RAP1GAP2: variants seen among roughly 807,000 people sequenced by gnomAD.
RAP1GAP2 encodes the protein RAP1 GTPase activating protein 2.
RAP1GAP2 carries 27 observed loss-of-function variants against 95.0 expected under a neutral mutation model. The observed-to-expected ratio is 0.28, with a 90% CI of 0.21 to 0.39. RAP1GAP2 has a LOEUF of 0.39. Among genes scored for constraint, RAP1GAP2 ranks in the 10% least tolerant of loss-of-function variants. The pLI, the probability that RAP1GAP2 is intolerant of heterozygous loss-of-function variation, is 1.00. For missense variants in RAP1GAP2, 771 were observed against 970.0 expected (o/e 0.79, Z 2.72); for synonymous variants, 373 against 380.9 (o/e 0.98, Z 0.24).
intron 3 of RAP1GAP2, among the ~76,000 whole-genome samples, chr17:2,916,662 G>T (rs2042579720): frequency 6.6e-6 from 1 of 152,122 alleles, no homozygotes; most frequent in Admixed American, 6.5e-5. Context: ...GGGAGGAGTG[G>T]GTGTGGGCAG....
rs755645959 is a variant in RAP1GAP2 at position 2,906,471 on chromosome 17, G to A, written c.165+1103G>A. Among the ~76,000 whole-genome samples the A allele has an allele frequency of 5.3e-5, 8 of 151,166 alleles. No homozygotes were observed. The highest frequency in any genetic ancestry group is 1.2e-4 in the African/African-American group (5 of 40,754). On this transcript the variant is annotated intron_variant, in intron 3 of 24. Transcript: ENST00000254695. This position sits in a 1 kb window ranked among gnomAD's most constrained non-coding sequence, Gnocchi z 4.3. ...GTGGGTTAAGTGGTCAGCGGTGGGCGGGGGGGCAGGACAGGGTGCAGGGCT... is the reference window on the plus strand; with the variant it reads ...GTGGGTTAAGTGGTCAGCGGTGGGCAGGGGGGCAGGACAGGGTGCAGGGCT...
intron 2 of RAP1GAP2, among the ~76,000 whole-genome samples, chr17:2,821,372 C>A (rs2070298241): frequency 7.0e-6 from 1 of 143,308 alleles, no homozygotes; most frequent in Non-Finnish European, 1.5e-5. Flanking sequence ...TTTCTTTACA[C>A]CTTTTTTTTT....
chr17:2,873,979 T>C (rs1423080876), intron 2 of RAP1GAP2, among the ~76,000 whole-genome samples: 1 of 151,926 alleles, frequency 6.6e-6, no homozygotes, highest in African/African-American at 2.4e-5. Context: ...TTTCACCATG[T>C]TGGCCAGGCT....
At position 3,004,687 on chromosome 17, in the gene RAP1GAP2, A is replaced by T. The variant is rs8075978; in HGVS notation, c.1201-682A>T. 2.0e-5 allele frequency among the ~76,000 whole-genome samples: 3 copies of T among 152,226 alleles called. No individual in the cohort carries two copies. The highest frequency in any genetic ancestry group is 4.4e-5 in the Non-Finnish European group (3 of 68,044). ...CACCCTCAGTTCCTAGCCTGGGCCTAGGACTGGCTGACCCCGTGTGTGGGG... is the reference window on the plus strand; with the variant it reads ...CACCCTCAGTTCCTAGCCTGGGCCTTGGACTGGCTGACCCCGTGTGTGGGG... On this transcript the variant is annotated intron_variant, in intron 14 of 24. Transcript: ENST00000254695. This position sits in a 1 kb window ranked among gnomAD's most constrained non-coding sequence, Gnocchi z 4.1.
chr17:2,912,815 T>C (rs1231224069), intron 3 of RAP1GAP2, among the ~76,000 whole-genome samples: 1 of 152,166 alleles, frequency 6.6e-6, no homozygotes, highest in Non-Finnish European at 1.5e-5. Context: ...ACATCTGATT[T>C]AATGCAGGCA....
chr17:2,899,006 C>G (rs1239151759), intron 2 of RAP1GAP2, among the ~76,000 whole-genome samples: 4 of 144,718 alleles, frequency 2.8e-5, no homozygotes, highest in African/African-American at 1.1e-4. Context: ...CCTCTCATCA[C>G]CGTTCTGTCT....
intron 22 of RAP1GAP2, among the ~76,000 whole-genome samples, chr17:3,028,063 G>A (rs1428527383): frequency 2.0e-5 from 3 of 151,886 alleles, no homozygotes; most frequent in African/African-American, 7.3e-5. Flanking sequence ...CCAAATCCTG[G>A]GTCTGCTGCT....
intron 3 of RAP1GAP2, among the ~76,000 whole-genome samples, chr17:2,945,006 TGGGATTACA>T (rs1460117056): frequency 2.0e-5 from 3 of 152,084 alleles, no homozygotes; most frequent in Non-Finnish European, 4.4e-5. Flanking sequence ...CCTCAGTAGC[TGGGATTACA>T]GGCGCCCGCC....
At chr17:2,991,847 C>G (rs897819409) in intron 12 of RAP1GAP2, among the ~76,000 whole-genome samples, 2 of 152,196 alleles carry the variant, frequency 1.3e-5, no homozygotes, top group African/African-American at 2.4e-5. Context: ...TCACTGCAAC[C>G]TCCACCTCCC....
chr17:2,908,544 G>A (rs1247752120), intron 3 of RAP1GAP2, among the ~76,000 whole-genome samples: 3 of 152,086 alleles, frequency 2.0e-5, no homozygotes, highest in South Asian at 2.1e-4. Flanking sequence ...GTTTGGAAGT[G>A]GTTGGAGCTC....
At chr17:2,988,003 T>A (rs964455808) in intron 11 of RAP1GAP2, among the ~76,000 whole-genome samples, 1 of 152,194 alleles carries the variant, frequency 6.6e-6, no homozygotes, top group Non-Finnish European at 1.5e-5. Context: ...AGGCAGTGTT[T>A]GAAGGCTGTT....
chr17:2,912,005 C>A (rs2042400242), intron 3 of RAP1GAP2, among the ~76,000 whole-genome samples: 1 of 152,174 alleles, frequency 6.6e-6, no homozygotes, highest in African/African-American at 2.4e-5. Context: ...CCCTCTCAGA[C>A]CTTCTCCTTT....
At chr17:2,807,344 G>T (rs2069567770) in intron 2 of RAP1GAP2, among the ~76,000 whole-genome samples, 1 of 152,094 alleles carries the variant, frequency 6.6e-6, no homozygotes, top group South Asian at 2.1e-4. Flanking sequence ...AACCCTCTGG[G>T]GCCAACTCAT....
At chr17:2,796,088 G>A (rs1393249964), upstream of RAP1GAP2, among the ~76,000 whole-genome samples, 4 of 152,186 alleles carry the variant, frequency 2.6e-5, no homozygotes, top group Non-Finnish European at 5.9e-5. The surrounding 1 kb of genome is among the most constrained non-coding windows in gnomAD (Gnocchi z 4.7). Flanking sequence ...GGGAGTGGGT[G>A]TGAAGGTCCC....
chr17:2,816,130 G>A (rs997719740), intron 2 of RAP1GAP2, among the ~76,000 whole-genome samples: 1 of 152,154 alleles, frequency 6.6e-6, no homozygotes, highest in African/African-American at 2.4e-5. Flanking sequence ...AAAAATAGGC[G>A]GGGGAGGGAA....
At chr17:2,909,667 G>T (rs2151740929) in intron 3 of RAP1GAP2, among the ~76,000 whole-genome samples, 1 of 152,352 alleles carries the variant, frequency 6.6e-6, no homozygotes, top group East Asian at 1.9e-4. Flanking sequence ...GGAAAGCTCA[G>T]CAGCTGCAGT....
Position 2,965,787 on chromosome 17 carries a change from T to A in RAP1GAP2, c.596+144T>A. ...GCTGACGGGGACAGGCCTGCTGGAA[T>A]CCTGGGGCTGTGTCTGAAGTTGCCT... On this transcript the variant is annotated intron_variant, in intron 8 of 24. Coordinates refer to ENST00000254695, the MANE Select transcript of RAP1GAP2 (RefSeq NM_015085.5). The surrounding 1 kb of genome is among the most constrained non-coding windows in gnomAD (Gnocchi z 4.7). 1 of 650,734 alleles carries A rather than the reference T, an allele frequency of 1.5e-6. No homozygotes were observed. The highest frequency in any genetic ancestry group is 1.9e-5 in the South Asian group (1 of 52,378). 40.3% of individuals were successfully genotyped at this position (650,734 alleles called of 1,614,324 possible). A position where few individuals can be genotyped will look rare whatever the true frequency, so the allele number is the denominator to read the frequency against.
At position 2,769,232 on chromosome 17, in the gene RAP1GAP2, T is replaced by TAAA. The variant is rs58436827; in HGVS notation, c.51-1059_51-1057dup. On this transcript the variant is annotated intron_variant, in intron 1 of 25. Transcript: ENST00000637138. ...GGATGAGAAAGTGAAACCATTTCTCTAAAAAAAAAAAAAAAAAAAAAAAAA... is the reference window on the plus strand; with the variant it reads ...GGATGAGAAAGTGAAACCATTTCTCTAAAAAAAAAAAAAAAAAAAAAAAAAAAA... 1.3e-3 allele frequency among the ~76,000 whole-genome samples: 56 copies of TAAA among 42,912 alleles called. 6 individuals are homozygous for TAAA. The highest frequency in any genetic ancestry group is 2.8e-3 in the Admixed American group (7 of 2,530). 28.2% of individuals were successfully genotyped at this position (42,912 alleles called of 152,430 possible).
chr17:2,960,050 G>T (rs533215700), intron 4 of RAP1GAP2, among the ~76,000 whole-genome samples: 7 of 151,048 alleles, frequency 4.6e-5, no homozygotes, highest in African/African-American at 1.7e-4. Context: ...TCTTGAACCC[G>T]GGAGGTGGAG....
Sources: gnomAD v4.1 joint callset for allele counts (sites outside exome capture counted in the v4.1 genomes callset) on GRCh38, gnomAD v4.1.1 for gene constraint, Gnocchi (gnomAD v3.1) non-coding constraint, MANE v1.5 for transcripts, NCBI Gene and HGNC (gene_info 2026-07-23, HGNC 2026-07-21) for gene names.